Variants in ATP2C2 observed in about 807,000 individuals in gnomAD.
ATP2C2 encodes the protein ATPase secretory pathway Ca2+ transporting 2.
In ATP2C2, 171 loss-of-function variants were observed where a neutral mutation model predicts 110.8. The ratio of observed to expected loss-of-function variants is 1.54; its 90% confidence interval spans 1.36 to 1.75. ATP2C2 has a LOEUF of 1.75. ATP2C2 is among the 40% of genes most tolerant of loss of function. The probability of loss-of-function intolerance (pLI) is 0.00; values close to 1 mark genes in which losing one functional copy is unlikely to be tolerated. For missense variants in ATP2C2, 1,963 were observed against 1,235.0 expected (o/e 1.59, Z -8.84); for synonymous variants, 804 against 508.4 (o/e 1.58, Z -7.82).
intron 13 of ATP2C2, among the ~76,000 whole-genome samples, chr16:84,440,003 T>G (rs1048151911): frequency 2.0e-5 from 3 of 152,192 alleles, no homozygotes; most frequent in African/African-American, 4.8e-5. Flanking sequence ...CCGAGCTTAT[T>G]TTTGTATTTT....
At chr16:84,443,028 T>C (rs1209993131) in intron 15 of ATP2C2, among the ~76,000 whole-genome samples, 1 of 152,024 alleles carries the variant, frequency 6.6e-6, no homozygotes, top group African/African-American at 2.4e-5. Context: ...CTGTGCAGGG[T>C]TGCCCCAGGC....
intron 16 of ATP2C2, among the ~76,000 whole-genome samples, chr16:84,447,778 A>G (rs1418184183): frequency 2.1e-5 from 3 of 143,026 alleles, no homozygotes; most frequent in Non-Finnish European, 4.5e-5. Context: ...ATATAATGTA[A>G]TATAATACAT....
intron 15 of ATP2C2, among the ~76,000 whole-genome samples, chr16:84,443,698 C>T (rs1483978282): frequency 6.6e-6 from 1 of 152,210 alleles, no homozygotes; most frequent in Non-Finnish European, 1.5e-5. Context: ...CATCACTGAG[C>T]ACCAGGGCTC....
chr16:84,418,641 A>T (rs1907047905), intron 7 of ATP2C2, among the ~76,000 whole-genome samples: 1 of 152,200 alleles, frequency 6.6e-6, no homozygotes, highest in Admixed American at 6.5e-5. Flanking sequence ...GGCCCTGCGC[A>T]GTCACACGGC....
At chr16:84,439,339 GC>G (rs1909029730) in intron 12 of ATP2C2, 49 bp downstream of exon 12, 1 of 1,613,496 alleles carries the variant, frequency 6.2e-7, no homozygotes, top group South Asian at 1.1e-5. Flanking sequence ...TTGAATGGGG[GC>G]TTGGCTGTCA....
At chr16:84,408,376 C>T (rs190215916) in intron 3 of ATP2C2, 29 bp from the exon 4 acceptor site, 17 of 1,601,598 alleles carry the variant, frequency 1.1e-5, no homozygotes, top group Admixed American at 6.7e-5. Flanking sequence ...GACTAAAGAA[C>T]GTGCCCCACC....
intron 25 of ATP2C2, 73 bp from the exon 26 acceptor site, chr16:84,461,915 G>A (rs1911396854): frequency 6.2e-7 from 1 of 1,605,992 alleles, no homozygotes; most frequent in Admixed American, 1.7e-5. Context: ...CTCAGCGTGG[G>A]CAGTCAGAGC....
At chr16:84,424,440 G>C (rs183301035) in intron 10 of ATP2C2, among the ~76,000 whole-genome samples, 56 of 152,146 alleles carry the variant, frequency 3.7e-4, no homozygotes, top group African/African-American at 1.2e-3. Flanking sequence ...ATCACGCCCA[G>C]CTGATTTTTG....
Position 84,418,969 on chromosome 16 carries a change from G to T in ATP2C2, c.624+3378G>T, listed in dbSNP as rs150271218. 2.5e-3 allele frequency among the ~76,000 whole-genome samples: 375 copies of T among 152,184 alleles called. 2 individuals carry two copies. Among genetic ancestry groups the T allele is most frequent in the African/African-American group, 8.6e-3 (359 of 41,506 alleles). On this transcript the variant is annotated intron_variant, in intron 7 of 26. Coordinates refer to ENST00000262429, the MANE Select transcript of ATP2C2 (RefSeq NM_014861.4). ...CACTCCTGTAATCCCAGCACTTTGGGAGGCTGAGGTGGGTGGATCACCTGA... is the reference window on the plus strand; with the variant it reads ...CACTCCTGTAATCCCAGCACTTTGGTAGGCTGAGGTGGGTGGATCACCTGA...
chr16:84,402,463 T>C (rs529263739), intron 2 of ATP2C2, among the ~76,000 whole-genome samples: 1 of 152,338 alleles, frequency 6.6e-6, no homozygotes, highest in South Asian at 2.1e-4. Context: ...TTTTATTACA[T>C]TGAGACATGT....
At chr16:84,416,691 A>C (rs1180593912) in intron 7 of ATP2C2, among the ~76,000 whole-genome samples, 1 of 152,102 alleles carries the variant, frequency 6.6e-6, no homozygotes, top group Non-Finnish European at 1.5e-5. Flanking sequence ...TACCAAAGTG[A>C]GGGAGGGTTC....
chr16:84,450,047 G>A (rs963939885), intron 17 of ATP2C2, among the ~76,000 whole-genome samples: 2 of 152,260 alleles, frequency 1.3e-5, no homozygotes, highest in Non-Finnish European at 2.9e-5. Context: ...GTCTGCTGCG[G>A]AGCGTAATGA....
chr16:84,371,421 C>T (rs934085080), intron 1 of ATP2C2, among the ~76,000 whole-genome samples: 3 of 152,158 alleles, frequency 2.0e-5, no homozygotes, highest in African/African-American at 7.2e-5. Flanking sequence ...AGGAGGATTG[C>T]TTGCACCTGG....
rs1174573962 is a variant in ATP2C2 at position 84,415,543 on chromosome 16, A to C, written c.576A>C (p.Val192=). Residue 192 remains valine (V), a synonymous_variant, in exon 7 of 27, where the codon GTA becomes GTC. Transcript: ENST00000262429. Reference sequence around the variant, plus strand: ...GAGAACTGGTTCCTGGTGATGTCGTATCTCTCTCGATCGGAGACCGGATCC... The same window carrying C: ...GAGAACTGGTTCCTGGTGATGTCGTCTCTCTCTCGATCGGAGACCGGATCC... ...LARELVPGDV[V]SLSIGDRIPA... The C allele has an allele frequency of 1.2e-6, 2 of 1,614,052 alleles. No homozygotes were observed. Among genetic ancestry groups the C allele is most frequent in the Non-Finnish European group, 8.5e-7 (1 of 1,180,024 alleles).
At chr16:84,401,204 T>A (rs938666329) in intron 2 of ATP2C2, among the ~76,000 whole-genome samples, 13 of 150,666 alleles carry the variant, frequency 8.6e-5, no homozygotes, top group Non-Finnish European at 1.8e-4. Context: ...TCTGTGATCT[T>A]AGATTGAAGT....
chr16:84,410,339 C>G (rs1906162846), intron 4 of ATP2C2, among the ~76,000 whole-genome samples: 1 of 151,926 alleles, frequency 6.6e-6, no homozygotes, highest in South Asian at 2.1e-4. Context: ...TGTGTCTACG[C>G]AGAAAAATCT....
Position 84,439,504 on chromosome 16 carries a change from T to A in ATP2C2, c.1189T>A (p.Ser397Thr). The change falls in exon 13 of 27, where the codon TCA becomes ACA. Residue 397 changes from serine to threonine, a missense_variant. Ser to Thr is a moderately conservative substitution (Grantham distance 58, BLOSUM62 1). Transcript: ENST00000262429. ...NEMTVTQLVT[S>T]DGLRAEVSGV... is the part of the protein sequence containing the mutation. ...AATGACAGTGACCCAGCTTGTAACGTCAGATGGGCTTCGTGCCGAGGTGAG... is the reference window on the plus strand; with the variant it reads ...AATGACAGTGACCCAGCTTGTAACGACAGATGGGCTTCGTGCCGAGGTGAG... The A allele has an allele frequency of 6.2e-7, 1 of 1,614,174 alleles. No homozygotes were observed. The highest frequency in any genetic ancestry group is 8.5e-7 in the Non-Finnish European group (1 of 1,180,046).
chr16:84,389,864 G>A (rs1597745468), intron 1 of ATP2C2, among the ~76,000 whole-genome samples: 1 of 152,102 alleles, frequency 6.6e-6, no homozygotes, highest in East Asian at 1.9e-4. Flanking sequence ...GGGACTACAG[G>A]CATGTGCTAT....
At chr16:84,436,960 C>T (rs1226827683) in intron 11 of ATP2C2, among the ~76,000 whole-genome samples, 1 of 152,040 alleles carries the variant, frequency 6.6e-6, no homozygotes, top group Non-Finnish European at 1.5e-5. Flanking sequence ...CGGGGTTTCT[C>T]CATGTTGGCC....
Sources: gnomAD v4.1 joint callset for allele counts (sites outside exome capture counted in the v4.1 genomes callset) on GRCh38, gnomAD v4.1.1 for gene constraint, MANE v1.5 for transcripts, NCBI Gene and HGNC (gene_info 2026-07-23, HGNC 2026-07-21) for gene names.